Variants in ELP4 observed in about 807,000 individuals in gnomAD.
ELP4 encodes the protein elongator complex protein 4.
Under a neutral mutation model 48.9 loss-of-function variants are expected in ELP4, and 51 were observed. The observed-to-expected ratio is 1.04, with a 90% CI of 0.83 to 1.32. The LOEUF is 1.32. ELP4 is among the 40% of genes most tolerant of loss of function. The probability of loss-of-function intolerance (pLI) is 0.00; values close to 1 mark genes in which losing one functional copy is unlikely to be tolerated. For missense variants in ELP4, 519 were observed against 514.6 expected (o/e 1.01, Z -0.08); for synonymous variants, 210 against 189.2 (o/e 1.11, Z -0.90).
intron 9 of ELP4, among the ~76,000 whole-genome samples, chr11:31,740,688 C>G (rs1276242862): frequency 6.6e-6 from 1 of 152,176 alleles, no homozygotes; most frequent in Admixed American, 6.5e-5. Context: ...ATACTGCCAA[C>G]AAATGTGAAA....
intron 9 of ELP4, among the ~76,000 whole-genome samples, chr11:31,781,626 G>C (rs1408545857): frequency 6.7e-6 from 1 of 149,344 alleles, no homozygotes; most frequent in African/African-American, 2.5e-5. Context: ...AGCCTCCCTG[G>C]TAGCTGGGAT....
chr11:31,744,467 G>A (rs576065397), intron 9 of ELP4, among the ~76,000 whole-genome samples: 1 of 152,316 alleles, frequency 6.6e-6, no homozygotes, highest in South Asian at 2.1e-4. Context: ...TATCCTTGAT[G>A]AACATTGATG....
At position 31,788,210 on chromosome 11, in the gene ELP4, T is replaced by C. The variant is rs1183771569; in HGVS notation, c.*4686T>C. 8.8e-6 allele frequency: 2 copies of C among 226,516 alleles called. No individual in the cohort carries two copies. Among genetic ancestry groups the C allele is most frequent in the African/African-American group, 4.4e-5 (2 of 44,960 alleles). 14.0% of individuals were successfully genotyped at this position (226,516 alleles called of 1,614,324 possible). A position where few individuals can be genotyped will look rare whatever the true frequency, so the allele number is the denominator to read the frequency against. On this transcript the variant is annotated 3_prime_UTR_variant, in exon 10 of 10. Transcript: ENST00000640961. ...ATTGCAAATAACAACTGACCAACAA[T>C]GGGCCCTGCTTCATAGATTTGGGAA...
At chr11:31,744,422 T>A (rs938926944) in intron 9 of ELP4, among the ~76,000 whole-genome samples, 4 of 152,312 alleles carry the variant, frequency 2.6e-5, no homozygotes, top group African/African-American at 7.2e-5. Flanking sequence ...TACCAAAGCC[T>A]GGCAGAGACA....
chr11:31,659,545 A>C (rs1363003108), intron 9 of ELP4, among the ~76,000 whole-genome samples: 1 of 152,166 alleles, frequency 6.6e-6, no homozygotes, highest in Non-Finnish European at 1.5e-5. Flanking sequence ...ACTTGTTTCA[A>C]ATATTATTGC....
chr11:31,538,598 T>G (rs948768320), intron 2 of ELP4, among the ~76,000 whole-genome samples: 2 of 151,146 alleles, frequency 1.3e-5, no homozygotes, highest in Non-Finnish European at 2.9e-5. Flanking sequence ...TACCTATAGG[T>G]TTTTTGTAGA....
intron 9 of ELP4, among the ~76,000 whole-genome samples, chr11:31,707,985 C>T (rs1361330833): frequency 6.6e-6 from 1 of 152,164 alleles, no homozygotes; most frequent in Admixed American, 6.6e-5. Context: ...AAGTAACATT[C>T]ACGGATTCCA....
chr11:31,700,637 G>A (rs1946502244), intron 9 of ELP4, among the ~76,000 whole-genome samples: 2 of 151,974 alleles, frequency 1.3e-5, no homozygotes, highest in Non-Finnish European at 2.9e-5. Context: ...AGTAGTCCTT[G>A]GAAGACAGCT....
At chr11:31,719,746 T>G (rs906609899) in intron 9 of ELP4, 1 of 320,186 alleles carries the variant, frequency 3.1e-6, no homozygotes. Context: ...GCTAATGATA[T>G]GCATGCTGGA....
At chr11:31,543,837 T>C (rs1022272446) in intron 3 of ELP4, among the ~76,000 whole-genome samples, 2 of 152,160 alleles carry the variant, frequency 1.3e-5, no homozygotes, top group East Asian at 1.9e-4. Flanking sequence ...TCAGCAAATA[T>C]CTTTCATAAA....
intron 2 of ELP4, among the ~76,000 whole-genome samples, chr11:31,521,786 C>T (rs1285963818): frequency 1.3e-5 from 2 of 152,024 alleles, no homozygotes; most frequent in Non-Finnish European, 2.9e-5. Context: ...TTCAGTTGTA[C>T]AGTATTTGTT....
intron 5 of ELP4, among the ~76,000 whole-genome samples, chr11:31,609,544 T>C (rs1282991425): frequency 6.6e-6 from 1 of 152,074 alleles, no homozygotes; most frequent in Non-Finnish European, 1.5e-5. Context: ...TTTGAGTTTT[T>C]CATAATTTGC....
intron 9 of ELP4, among the ~76,000 whole-genome samples, chr11:31,675,517 T>A (rs1945904917): frequency 6.6e-6 from 1 of 152,164 alleles, no homozygotes; most frequent in African/African-American, 2.4e-5. Flanking sequence ...CGCCTCGGCC[T>A]CCCAAAGTGC....
intron 2 of ELP4, among the ~76,000 whole-genome samples, chr11:31,521,716 C>T (rs970611713): frequency 6.6e-6 from 1 of 152,074 alleles, no homozygotes; most frequent in African/African-American, 2.4e-5. Flanking sequence ...TTCTCCATTC[C>T]AGTCAAAAAG....
At chr11:31,544,042 G>A (rs1013108179) in intron 3 of ELP4, among the ~76,000 whole-genome samples, 3 of 152,250 alleles carry the variant, frequency 2.0e-5, no homozygotes, top group Non-Finnish European at 4.4e-5. Flanking sequence ...AATAGGAACA[G>A]CTCCGGTCTA....
At chr11:31,671,489 T>G (rs1945805886) in intron 9 of ELP4, among the ~76,000 whole-genome samples, 1 of 152,204 alleles carries the variant, frequency 6.6e-6, no homozygotes, top group South Asian at 2.1e-4. Context: ...ACACATAATA[T>G]CAGAGATTTA....
chr11:31,618,097 G>A (rs928688859), intron 5 of ELP4, among the ~76,000 whole-genome samples: 5 of 151,916 alleles, frequency 3.3e-5, no homozygotes, highest in African/African-American at 4.8e-5. Flanking sequence ...CTCAACTGAT[G>A]AGTGGATAAA....
intron 7 of ELP4, among the ~76,000 whole-genome samples, chr11:31,644,990 A>G (rs1945172657): frequency 1.3e-5 from 2 of 151,902 alleles, no homozygotes; most frequent in South Asian, 4.1e-4. Context: ...AACTTTCACA[A>G]TTAATCTGGT....
At chr11:31,692,319 T>C (rs1043846135) in intron 9 of ELP4, among the ~76,000 whole-genome samples, 5 of 152,170 alleles carry the variant, frequency 3.3e-5, no homozygotes, top group East Asian at 3.8e-4. Context: ...AATTGAAAGA[T>C]ACAATATAAC....
Sources: gnomAD v4.1 joint callset for allele counts (sites outside exome capture counted in the v4.1 genomes callset) on GRCh38, gnomAD v4.1.1 for gene constraint, MANE v1.5 for transcripts, NCBI Gene and HGNC (gene_info 2026-07-23, HGNC 2026-07-21) for gene names.